The following TLK2 variants were observed in gnomAD, a reference collection of about 807,000 sequenced individuals.
The protein encoded by TLK2 is tousled like kinase 2.
In TLK2, 6 loss-of-function variants were observed where a neutral mutation model predicts 117.3. That is an observed-to-expected ratio of 0.05 (90% CI 0.03 to 0.10). The LOEUF (loss-of-function observed/expected upper bound fraction) is 0.10. Among genes scored for constraint, TLK2 ranks in the 10% least tolerant of loss-of-function variants. TLK2 has a pLI of 1.00. For synonymous variants in TLK2, 257 were observed against 316.7 expected, an observed-to-expected ratio of 0.81 and a Z score of 2.00; for missense variants, 299 against 901.2, an observed-to-expected ratio of 0.33 and a Z score of 8.56.
At chr17:62,596,805 C>T in intron 17 of TLK2, 131 bp downstream of exon 17, 1 of 721,378 alleles carries the variant, frequency 1.4e-6, no homozygotes, top group Middle Eastern at 2.5e-4. Context: ...GACAAATGAT[C>T]AAACATAAAT....
chr17:62,577,940 G>A (rs560275861), intron 13 of TLK2, among the ~76,000 whole-genome samples: 55 of 152,240 alleles, frequency 3.6e-4, no homozygotes, highest in East Asian at 1.7e-3. Flanking sequence ...CCAGCTACTC[G>A]GGAGGCTGAG....
intron 21 of TLK2, among the ~76,000 whole-genome samples, chr17:62,610,411 C>T (rs550071528): frequency 8.5e-5 from 13 of 152,304 alleles, no homozygotes; most frequent in African/African-American, 3.1e-4. Context: ...GTTCCCTACC[C>T]TTAAGGAGTT....
chr17:62,595,518 T>G (rs1217911526), intron 16 of TLK2, among the ~76,000 whole-genome samples: 2 of 151,930 alleles, frequency 1.3e-5, no homozygotes, highest in Non-Finnish European at 2.9e-5. Flanking sequence ...ACATCATGAC[T>G]GCTGGGTTAC....
intron 2 of TLK2, chr17:62,507,377 C>T (rs2074788719): frequency 6.6e-6 from 1 of 152,108 alleles, no homozygotes. Flanking sequence ...TGTTTCACTT[C>T]TAGGAATGCT....
chr17:62,602,749 C>A lies in TLK2; in HGVS notation c.1859+569C>A, dbSNP rs1598879076. Among the ~76,000 whole-genome samples the A allele has an allele frequency of 3.9e-5, 6 of 152,316 alleles. 1 individual carries two copies. The highest frequency in any genetic ancestry group is 3.9e-4 in the Admixed American group (6 of 15,306). Reference sequence around the variant, plus strand: ...AGGCACATTTCTTCACATCTCTTGTCACCTGTCTTCCCCTAGCCACCCGCA... The same window carrying A: ...AGGCACATTTCTTCACATCTCTTGTAACCTGTCTTCCCCTAGCCACCCGCA... On this transcript the variant is annotated intron_variant, in intron 19 of 21. Coordinates refer to ENST00000346027, the MANE Select transcript of TLK2 (RefSeq NM_006852.6).
chr17:62,535,570 C>T (rs1386547882), intron 6 of TLK2, among the ~76,000 whole-genome samples: 19 of 151,942 alleles, frequency 1.3e-4, no homozygotes, highest in Non-Finnish European at 2.4e-4. Context: ...AGTTCGAGAC[C>T]AGCCTGGCCA....
intron 7 of TLK2, among the ~76,000 whole-genome samples, chr17:62,538,040 T>G (rs1259897156): frequency 1.4e-5 from 2 of 143,900 alleles, no homozygotes; most frequent in East Asian, 2.0e-4. Context: ...TTTGTTTTTT[T>G]TTTTTTTTTT....
intron 2 of TLK2, among the ~76,000 whole-genome samples, chr17:62,482,662 G>C (rs1426028583): frequency 6.6e-6 from 1 of 151,978 alleles, no homozygotes; most frequent in Non-Finnish European, 1.5e-5. Flanking sequence ...TGTTGGCCAG[G>C]CTGGGTCTCG....
At chr17:62,505,646 T>C (rs188188465) in intron 2 of TLK2, among the ~76,000 whole-genome samples, 24 of 152,194 alleles carry the variant, frequency 1.6e-4, no homozygotes, top group Non-Finnish European at 3.1e-4. Flanking sequence ...ATACACTGTT[T>C]TCAAATTTTT....
intron 19 of TLK2, among the ~76,000 whole-genome samples, chr17:62,604,114 C>T (rs1005043839): frequency 6.6e-6 from 1 of 151,978 alleles, no homozygotes; most frequent in Non-Finnish European, 1.5e-5. Context: ...AAGTGATTCT[C>T]CTGCCTCAGC....
intron 2 of TLK2, among the ~76,000 whole-genome samples, chr17:62,497,591 C>A (rs1310067701): frequency 6.6e-6 from 1 of 152,136 alleles, no homozygotes; most frequent in African/African-American, 2.4e-5. Context: ...TTAATGAGAG[C>A]TTTAGATAGT....
chr17:62,520,477 G>T (rs1033747561), intron 2 of TLK2, among the ~76,000 whole-genome samples: 1 of 151,992 alleles, frequency 6.6e-6, no homozygotes, highest in Non-Finnish European at 1.5e-5. Flanking sequence ...AGGAGATCGA[G>T]ACCAGCCTGG....
intron 7 of TLK2, among the ~76,000 whole-genome samples, chr17:62,537,557 C>T (rs1347096890): frequency 6.6e-6 from 1 of 152,180 alleles, no homozygotes; most frequent in Admixed American, 6.5e-5. Context: ...TACGGAGTCC[C>T]AGTCTGAGTG....
intron 2 of TLK2, among the ~76,000 whole-genome samples, chr17:62,490,357 A>G (rs1247377704): frequency 1.3e-5 from 2 of 152,122 alleles, no homozygotes; most frequent in Non-Finnish European, 2.9e-5. Context: ...TAATCTACAT[A>G]AACCTATACG....
chr17:62,558,943 G>A (rs1157538824), intron 9 of TLK2, among the ~76,000 whole-genome samples: 1 of 152,124 alleles, frequency 6.6e-6, no homozygotes, highest in South Asian at 2.1e-4. Flanking sequence ...CACATAACAG[G>A]TTTTTCTTTT....
chr17:62,602,260 C>A, intron 19 of TLK2, 80 bp downstream of exon 19: 1 of 1,448,520 alleles, frequency 6.9e-7, no homozygotes, highest in South Asian at 1.5e-5. Context: ...GAATTAATTG[C>A]TGTATGCTAT....
intron 2 of TLK2, among the ~76,000 whole-genome samples, chr17:62,498,311 A>G (rs2073887056): frequency 6.6e-6 from 1 of 152,180 alleles, no homozygotes; most frequent in Admixed American, 6.6e-5. Context: ...GAGAGAAAAC[A>G]GTAGCACCAT....
intron 7 of TLK2, among the ~76,000 whole-genome samples, chr17:62,541,237 G>C (rs1460578440): frequency 6.6e-6 from 1 of 152,098 alleles, no homozygotes. Flanking sequence ...ACCAGCTGAC[G>C]TACTATGATG....
chr17:62,558,237 A>C (rs2079006798), intron 9 of TLK2, among the ~76,000 whole-genome samples: 2 of 150,824 alleles, frequency 1.3e-5, no homozygotes, highest in South Asian at 4.2e-4. Context: ...TGGTGCAATC[A>C]CAGCTCACTG....
Sources: allele counts gnomAD v4.1 joint callset (sites outside exome capture counted in the v4.1 genomes callset), GRCh38; gene constraint gnomAD v4.1.1; transcripts MANE v1.5; gene names NCBI Gene and HGNC (gene_info 2026-07-23, HGNC 2026-07-21).